FXN: variants seen among roughly 807,000 people sequenced by gnomAD.
The protein encoded by FXN is frataxin, also known as frataxin, mitochondrial.
Under a neutral mutation model 22.4 loss-of-function variants are expected in FXN, and 14 were observed. The ratio of observed to expected loss-of-function variants is 0.62; its 90% CI spans 0.41 to 0.98. The LOEUF is 0.98. Ranked by LOEUF, FXN falls within the 50% of genes least tolerant of loss-of-function variation. The pLI, the probability that FXN is intolerant of heterozygous loss-of-function variation, is 0.00. For synonymous variants in FXN, 120 were observed against 114.1 expected (o/e 1.05, Z -0.33); for missense variants, 267 against 268.4 (o/e 0.99, Z 0.04).
intron 1 of FXN, among the ~76,000 whole-genome samples, chr9:69,039,879 G>C (rs1256392594): frequency 6.6e-6 from 1 of 152,116 alleles, no homozygotes; most frequent in Non-Finnish European, 1.5e-5. Flanking sequence ...CTTGCTGGTG[G>C]GGACTTTGCA....
At chr9:69,061,038 A>G (rs1261155375) in intron 3 of FXN, among the ~76,000 whole-genome samples, 3 of 152,176 alleles carry the variant, frequency 2.0e-5, no homozygotes, top group Non-Finnish European at 4.4e-5. Context: ...GGAGGGAGGA[A>G]GTTGACTGCA....
Position 69,077,900 on chromosome 9 carries a change from A to G in FXN, c.*5138A>G, listed in dbSNP as rs1325020481. 6.3e-6 allele frequency: 6 copies of G among 957,578 alleles called. No individual in the cohort carries two copies. The highest frequency in any genetic ancestry group is 7.5e-6 in the Non-Finnish European group (6 of 804,770). The allele number at this position is 957,578 out of a possible 1,614,324, so 59.3% of individuals were successfully genotyped here. A position where few individuals can be genotyped will look rare whatever the true frequency, so the allele number is the denominator to read the frequency against. ...AGCCGAGATTACACCACTGCACTCC[A>G]GCCTGGGTGACAAGAGGGAAACTCC... On this transcript the variant is annotated 3_prime_UTR_variant, in exon 5 of 5. Transcript: ENST00000484259.
chr9:69,045,604 A>C (rs898776397), intron 1 of FXN, among the ~76,000 whole-genome samples: 2 of 151,930 alleles, frequency 1.3e-5, no homozygotes, highest in Admixed American at 6.5e-5. Flanking sequence ...AAAACAAAAA[A>C]CAAAAACCAA....
rs113836356 is a variant in FXN, at chr9:69,074,202, T to C, written c.*1440T>C. 2.2e-6 allele frequency: 1 copy of C among 455,086 alleles called. No individual in the cohort carries two copies. The highest frequency in any genetic ancestry group is 2.7e-6 in the Non-Finnish European group (1 of 375,812). 28.2% of individuals were successfully genotyped at this position (455,086 alleles called of 1,614,324 possible). A position where few individuals can be genotyped will look rare whatever the true frequency, so the allele number is the denominator to read the frequency against. On this transcript the variant is annotated 3_prime_UTR_variant, in exon 5 of 5. Transcript: ENST00000484259. ...CTGTCTCAAAATAATAATAACAATA[T>C]AATAATAATAATAGCCATCCTTTAT...
At position 69,065,054 on chromosome 9, in the gene FXN, A is replaced by G. The variant is rs1287143347; in HGVS notation, c.482+19A>G. The G allele has an allele frequency of 1.9e-6, 3 of 1,557,974 alleles. No individual in the cohort carries two copies. Reference sequence around the variant, plus strand: ...CATCCAGGTATGTAGGTATGTTCAGAAGTCAACATATGTAATTCTTAAAGA... The same window carrying G: ...CATCCAGGTATGTAGGTATGTTCAGGAGTCAACATATGTAATTCTTAAAGA... On this transcript the variant is annotated intron_variant, in intron 4 of 4. Coordinates refer to ENST00000484259, the MANE Select transcript of FXN (RefSeq NM_000144.5).
Position 69,046,485 on chromosome 9 carries a change from A to G in FXN, c.263+3A>G. ...TCTGGAACTTTGGGCCACCCAGGGT[A>G]AGATAAAACACCTTCCACGTCATAG... On this transcript the variant is annotated splice_donor_region_variant and intron_variant, in intron 2 of 4. Transcript: ENST00000484259. The G allele has an allele frequency of 6.3e-7, 1 of 1,598,064 alleles. No individual in the cohort carries two copies. Among genetic ancestry groups the G allele is most frequent in the Non-Finnish European group, 8.6e-7 (1 of 1,165,674 alleles).
chr9:69,036,007 CT>C, intron 1 of FXN, 60 bp downstream of exon 1: 2 of 1,266,348 alleles, frequency 1.6e-6, no homozygotes, highest in Non-Finnish European at 2.0e-6. Flanking sequence ...CGCCGCACGC[CT>C]GCGCAGGGAG....
At chr9:69,059,391 C>CA (rs1832023108) in intron 3 of FXN, among the ~76,000 whole-genome samples, 1 of 62,996 alleles carries the variant, frequency 1.6e-5, no homozygotes, top group Non-Finnish European at 2.6e-5. Context: ...GAGGCAGCAT[C>CA]TTTTTTTTTT....
chr9:69,048,384 C>G (rs922202163), intron 2 of FXN, among the ~76,000 whole-genome samples: 2 of 152,070 alleles, frequency 1.3e-5, no homozygotes, highest in Non-Finnish European at 2.9e-5. Flanking sequence ...GTGAGCAGAT[C>G]ACTGAGGCCA....
intron 1 of FXN, among the ~76,000 whole-genome samples, chr9:69,039,346 G>A (rs1211308792): frequency 6.6e-6 from 1 of 152,072 alleles, no homozygotes; most frequent in East Asian, 1.9e-4. Context: ...CAGGTCCTCA[G>A]TCCCATTAGC....
intron 1 of FXN, among the ~76,000 whole-genome samples, chr9:69,039,686 C>T (rs1485305999): frequency 6.6e-6 from 1 of 151,738 alleles, no homozygotes; most frequent in African/African-American, 2.4e-5. Flanking sequence ...AGGGATGTGA[C>T]GGGGCTGCGT....
chr9:69,052,862 CG>C (rs1831878769), intron 2 of FXN, among the ~76,000 whole-genome samples: 1 of 151,386 alleles, frequency 6.6e-6, no homozygotes, highest in South Asian at 2.1e-4. Flanking sequence ...TACTTTGGGC[CG>C]GGCACGGTGC....
intron 3 of FXN, among the ~76,000 whole-genome samples, chr9:69,060,332 C>T (rs1317733277): frequency 6.6e-6 from 1 of 151,376 alleles, no homozygotes; most frequent in Non-Finnish European, 1.5e-5. Context: ...GATCGAGCCA[C>T]TGCACTCTAG....
intron 1 of FXN, among the ~76,000 whole-genome samples, chr9:69,036,674 G>A (rs1009678297): frequency 5.9e-5 from 9 of 152,214 alleles, no homozygotes; most frequent in Non-Finnish European, 1.2e-4. Context: ...CTGGTGTGAG[G>A]ATTAAATGGG....
Position 69,075,520 on chromosome 9 carries a change from T to G in FXN, c.*2758T>G, listed in dbSNP as rs897314576. On this transcript the variant is annotated 3_prime_UTR_variant, in exon 5 of 5. Coordinates refer to ENST00000484259, the MANE Select transcript of FXN (RefSeq NM_000144.5). ...ACATGAACAGCAGCCAGGGGAAGAA[T>G]CAAAATCATATTCTGTCAAGCAAAC... is the stretch of plus-strand genomic sequence containing the variant. 19 of 984,858 alleles carry G rather than the reference T, an allele frequency of 1.9e-5. No homozygotes were observed. The East Asian group carries it at 2.2e-3, about 112-fold the overall frequency. 61.0% of individuals were successfully genotyped at this position (984,858 alleles called of 1,614,324 possible). A position where few individuals can be genotyped will look rare whatever the true frequency, so the allele number is the denominator to read the frequency against.
chr9:69,044,180 T>C (rs967355386), intron 1 of FXN, among the ~76,000 whole-genome samples: 1 of 152,212 alleles, frequency 6.6e-6, no homozygotes, highest in Non-Finnish European at 1.5e-5. Flanking sequence ...CGTTGAGTGT[T>C]TGTGGCAACT....
intron 1 of FXN, among the ~76,000 whole-genome samples, chr9:69,043,145 C>T (rs1831688099): frequency 6.6e-6 from 1 of 152,318 alleles, no homozygotes; most frequent in African/African-American, 2.4e-5. Context: ...CCTCCAGGCT[C>T]ATGTTCCCAG....
chr9:69,049,526 C>T (rs1353196896), intron 2 of FXN, among the ~76,000 whole-genome samples: 1 of 152,148 alleles, frequency 6.6e-6, no homozygotes, highest in Non-Finnish European at 1.5e-5. Context: ...TTTAGGCCCC[C>T]TGGAAACTTT....
chr9:69,053,453 A>G (rs1313602540), intron 3 of FXN, among the ~76,000 whole-genome samples, 193 bp downstream of exon 3: 1 of 151,454 alleles, frequency 6.6e-6, no homozygotes, highest in East Asian at 1.9e-4. Flanking sequence ...CCTGGGTGAC[A>G]GAGCGAGACT....
Sources: gnomAD v4.1 joint callset for allele counts (sites outside exome capture counted in the v4.1 genomes callset) on GRCh38, gnomAD v4.1.1 for gene constraint, MANE v1.5 for transcripts, NCBI Gene and HGNC (gene_info 2026-07-23, HGNC 2026-07-21) for gene names.